Variants in NAV2 observed in about 807,000 individuals in gnomAD.
NAV2 encodes the protein helicase, APC down-regulated 1.
A neutral mutation model predicts 223.2 loss-of-function variants in NAV2; 54 were observed. That is an observed-to-expected ratio of 0.24 (90% CI 0.19 to 0.30). The LOEUF is 0.30. Ranked by LOEUF, NAV2 falls within the 10% of genes least tolerant of loss-of-function variation. The pLI, the probability that NAV2 is intolerant of heterozygous loss-of-function variation, is 1.00. For missense variants in NAV2, 2,806 were observed against 3,147.5 expected (o/e 0.89, Z 2.60); for synonymous variants, 1,279 against 1,239.3 (o/e 1.03, Z -0.67).
chr11:19,713,579 G>T lies in NAV2; in HGVS notation c.-117G>T. 3 of 1,405,530 alleles carry T rather than the reference G, an allele frequency of 2.1e-6. No homozygotes were observed. The highest frequency in any genetic ancestry group is 1.7e-5 in the South Asian group (1 of 57,184). 87.1% of individuals were successfully genotyped at this position (1,405,530 alleles called of 1,614,324 possible). Reference sequence around the variant, plus strand: ...GGGGATTTTTTTTTTAGCCGCTGGTGGTGGGCGCCTCGTGGGCTAAGGCCC... The same window carrying T: ...GGGGATTTTTTTTTTAGCCGCTGGTTGTGGGCGCCTCGTGGGCTAAGGCCC... On this transcript the variant is annotated 5_prime_UTR_variant, in exon 1 of 38. Transcript: ENST00000349880. This position sits in a 1 kb window ranked among gnomAD's most constrained non-coding sequence, Gnocchi z 7.2.
upstream of NAV2, among the ~76,000 whole-genome samples, chr11:19,347,488 G>A (rs1441459399): frequency 1.3e-5 from 2 of 152,178 alleles, no homozygotes; most frequent in Non-Finnish European, 2.9e-5. Flanking sequence ...GGAGTTTGAA[G>A]CCTTTTGGAG....
At chr11:19,767,705 T>G (rs1054769186) in intron 1 of NAV2, among the ~76,000 whole-genome samples, 5 of 152,248 alleles carry the variant, frequency 3.3e-5, no homozygotes, top group African/African-American at 1.2e-4. Context: ...AATCTGCATG[T>G]GCAGATGAGC....
At chr11:19,372,593 C>T (rs1564885126) in intron 1 of NAV2, among the ~76,000 whole-genome samples, 1 of 152,156 alleles carries the variant, frequency 6.6e-6, no homozygotes, top group East Asian at 1.9e-4. Flanking sequence ...AGTGGGGTCT[C>T]TAACACTGAG....
chr11:19,948,974 G>T lies in NAV2; in HGVS notation c.2539G>T (p.Ala847Ser). Residue 847 changes from alanine (A) to serine (S), a missense_variant, in exon 10 of 38, where the codon GCA becomes TCA. Physicochemically the swap from Ala to Ser is moderately conservative, Grantham distance 99. Around this residue, in one of 4 missense-constraint regions of NAV2, gnomAD observed 1,167 missense variants for 1,180.5 expected, o/e 0.99. Coordinates refer to ENST00000349880, the MANE Select transcript of NAV2 (RefSeq NM_145117.5). ...CTGCCATGTGGACGTCTCAGACAAG[G>T]CAGGAGATGAGATGGACCTGGAAGG... ...SVCHVDVSDK[A>S]GDEMDLEGIS... The T allele has an allele frequency of 6.2e-7, 1 of 1,613,978 alleles. No homozygotes were observed. The highest frequency in any genetic ancestry group is 1.7e-5 in the Admixed American group (1 of 60,016).
intron 1 of NAV2, among the ~76,000 whole-genome samples, chr11:19,764,396 A>G (rs1230257487): frequency 6.6e-6 from 1 of 152,216 alleles, no homozygotes; most frequent in Non-Finnish European, 1.5e-5. Context: ...AACTGGGAGA[A>G]CTCAATTTGT....
At chr11:19,843,648 A>T (rs1159621888) in intron 3 of NAV2, among the ~76,000 whole-genome samples, 1 of 152,218 alleles carries the variant, frequency 6.6e-6, no homozygotes, top group Non-Finnish European at 1.5e-5. Context: ...TACAAAAAAA[A>T]GTATATTTTC....
intron 2 of NAV2, 55 bp downstream of exon 2, chr11:19,832,656 G>A: frequency 7.1e-7 from 1 of 1,413,684 alleles, no homozygotes; most frequent in Non-Finnish European, 1.0e-6. Flanking sequence ...CATCTCAAAA[G>A]GCCGGGGTGA....
intron 1 of NAV2, among the ~76,000 whole-genome samples, chr11:19,354,499 G>A (rs913155132): frequency 2.6e-5 from 4 of 152,218 alleles, no homozygotes; most frequent in Non-Finnish European, 5.9e-5. Flanking sequence ...TCCAGACACT[G>A]GCCTATGCCT....
chr11:20,053,593 A>G (rs893301233), intron 17 of NAV2, among the ~76,000 whole-genome samples: 2 of 152,252 alleles, frequency 1.3e-5, no homozygotes, highest in African/African-American at 2.4e-5. Context: ...AGCAACTACT[A>G]TAAGCATCAG....
chr11:19,935,221 A>G (rs1263935246), intron 7 of NAV2, among the ~76,000 whole-genome samples: 1 of 152,232 alleles, frequency 6.6e-6, no homozygotes, highest in Non-Finnish European at 1.5e-5. Flanking sequence ...ATTTGGCCAC[A>G]TTGCACAATT....
At chr11:19,661,987 G>A (rs2048295689) in intron 1 of NAV2, among the ~76,000 whole-genome samples, 1 of 152,134 alleles carries the variant, frequency 6.6e-6, no homozygotes, top group Admixed American at 6.5e-5. Flanking sequence ...AATTGCTACT[G>A]GCTGCCTGGA....
chr11:19,756,375 A>G (rs1590330687), intron 1 of NAV2, among the ~76,000 whole-genome samples: 9 of 152,344 alleles, frequency 5.9e-5, no homozygotes, highest in Admixed American at 2.0e-4. Context: ...CCAGGAGGAC[A>G]TGAATTTTTG....
At chr11:20,007,036 A>C (rs913603885) in intron 11 of NAV2, among the ~76,000 whole-genome samples, 2 of 151,844 alleles carry the variant, frequency 1.3e-5, no homozygotes, top group Non-Finnish European at 2.9e-5. Context: ...AGCTCACTGC[A>C]ACCTCCGCCT....
At chr11:19,363,821 A>G (rs1564878636) in intron 1 of NAV2, among the ~76,000 whole-genome samples, 1 of 152,214 alleles carries the variant, frequency 6.6e-6, no homozygotes, top group East Asian at 1.9e-4. Context: ...ACTCAAGAAA[A>G]CAGTTTGCTT....
intron 1 of NAV2, among the ~76,000 whole-genome samples, chr11:19,673,683 G>T (rs73424391): frequency 0.017 from 2,600 of 152,286 alleles, 68 homozygotes; most frequent in African/African-American, 0.059. Flanking sequence ...TGTGTGCCTT[G>T]TCTTCTGGTT....
At chr11:19,665,925 ATCATCATCATCG>A (rs1244426916) in intron 1 of NAV2, among the ~76,000 whole-genome samples, 1 of 152,128 alleles carries the variant, frequency 6.6e-6, no homozygotes, top group Non-Finnish European at 1.5e-5. Context: ...AATCATCATC[ATCATCATCATCG>A]TCATCATCAT....
chr11:19,623,171 G>A (rs928219557), intron 1 of NAV2, among the ~76,000 whole-genome samples: 6 of 152,186 alleles, frequency 3.9e-5, no homozygotes, highest in African/African-American at 1.4e-4. Flanking sequence ...TGGGCAATCT[G>A]ACCTTTCTTT....
intron 1 of NAV2, among the ~76,000 whole-genome samples, chr11:19,559,779 G>A (rs1263121855): frequency 2.6e-5 from 4 of 152,210 alleles, no homozygotes; most frequent in African/African-American, 9.6e-5. Context: ...GGGATGGGAA[G>A]TGCTTTCTTC....
intron 1 of NAV2, among the ~76,000 whole-genome samples, chr11:19,649,261 A>T (rs1306465043): frequency 6.6e-6 from 1 of 152,222 alleles, no homozygotes; most frequent in Admixed American, 6.5e-5. Flanking sequence ...GTGGGCTAAC[A>T]TTCCCACCAT....
Sources: allele counts gnomAD v4.1 joint callset (sites outside exome capture counted in the v4.1 genomes callset), GRCh38; gene constraint gnomAD v4.1.1; regional missense constraint gnomAD v4.1.1; non-coding constraint Gnocchi (gnomAD v3.1); transcripts MANE v1.5; gene names NCBI Gene and HGNC (gene_info 2026-07-23, HGNC 2026-07-21).